CEP15: variants seen among roughly 807,000 people sequenced by gnomAD.
CEP15 encodes centrosomal protein 15 kDa.
the CEP15 span, chr3:62,322,658 C>T: frequency 6.6e-6 from 1 of 152,158 alleles, no homozygotes; most frequent in Non-Finnish European, 1.5e-5. The surrounding 1 kb of genome is among the most constrained non-coding windows in gnomAD (Gnocchi z 5.5). Context: ...ACTTTGCTTC[C>T]AGAATTGTAT....
the CEP15 span, chr3:62,320,502 C>G: frequency 1.2e-6 from 2 of 1,611,900 alleles, no homozygotes; most frequent in Non-Finnish European, 1.7e-6. Context: ...AGAAATTCGC[C>G]TTTCTAAAAG....
chr3:62,323,475 A>G, the CEP15 span, among the ~76,000 whole-genome samples: 1 of 152,230 alleles, frequency 6.6e-6, no homozygotes, highest in African/African-American at 2.4e-5. Context: ...AGAAATTCAC[A>G]GGAAACAAGG....
the CEP15 span, among the ~76,000 whole-genome samples, chr3:62,321,363 A>G: frequency 7.2e-5 from 11 of 152,188 alleles, no homozygotes; most frequent in Admixed American, 7.2e-4. The surrounding 1 kb of genome is among the most constrained non-coding windows in gnomAD (Gnocchi z 4.1). Context: ...GAGTATGCAT[A>G]CATACACACA....
At chr3:62,331,811 A>G in the CEP15 span, among the ~76,000 whole-genome samples, 2 of 152,172 alleles carry the variant, frequency 1.3e-5, no homozygotes, top group South Asian at 4.1e-4. Context: ...AATGCATATT[A>G]TCATACAATA....
the CEP15 span, among the ~76,000 whole-genome samples, chr3:62,328,950 A>G: frequency 1.4e-5 from 2 of 141,052 alleles, no homozygotes; most frequent in East Asian, 2.1e-4. Flanking sequence ...TTCGTCCTCT[A>G]TGTAGTGGGT....
the CEP15 span, chr3:62,331,205 A>T: frequency 4.0e-6 from 3 of 753,504 alleles, no homozygotes; most frequent in Non-Finnish European, 6.7e-6. Flanking sequence ...GCCTCCATCC[A>T]TTCAGATTAT....
the CEP15 span, among the ~76,000 whole-genome samples, chr3:62,327,034 T>C: frequency 2.0e-5 from 3 of 152,206 alleles, no homozygotes; most frequent in Admixed American, 6.5e-5. Flanking sequence ...AAATCTAACA[T>C]TGTACTTGAT....
At chr3:62,332,600 C>T in the CEP15 span, among the ~76,000 whole-genome samples, 3 of 152,098 alleles carry the variant, frequency 2.0e-5, no homozygotes, top group African/African-American at 7.2e-5. Context: ...AGCCTATAGA[C>T]TTCTACAGTC....
At chr3:62,327,482 C>A in the CEP15 span, among the ~76,000 whole-genome samples, 1 of 80,464 alleles carries the variant, frequency 1.2e-5, no homozygotes, top group African/African-American at 6.8e-5. Flanking sequence ...TGCTCAGTAG[C>A]CACATGAGAA....
chr3:62,320,564 G>T, the CEP15 span: 1 of 1,509,900 alleles, frequency 6.6e-7, no homozygotes, highest in Admixed American at 1.7e-5. Context: ...ATAGAAATTG[G>T]ACTGGCTTTG....
At chr3:62,331,422 G>A in the CEP15 span, 2 of 1,596,894 alleles carry the variant, frequency 1.3e-6, no homozygotes, top group Non-Finnish European at 1.7e-6. Context: ...AGGAACAAAT[G>A]TAAAAAGAGA....
the CEP15 span, chr3:62,333,108 A>T: frequency 1.6e-6 from 1 of 644,002 alleles, no homozygotes. This position sits in a 1 kb window ranked among gnomAD's most constrained non-coding sequence, Gnocchi z 4.0. Flanking sequence ...AATATTCTGT[A>T]GAGGAAATGC....
the CEP15 span, chr3:62,321,903 T>C: frequency 6.5e-7 from 1 of 1,527,976 alleles, no homozygotes; most frequent in Non-Finnish European, 8.8e-7. This position sits in a 1 kb window ranked among gnomAD's most constrained non-coding sequence, Gnocchi z 4.1. Flanking sequence ...CTTTTTTAAC[T>C]CTATATAATC....
chr3:62,319,753 A>G, the CEP15 span: 17 of 152,312 alleles, frequency 1.1e-4, no homozygotes, highest in Middle Eastern at 3.4e-3. Context: ...GCCCAACCAG[A>G]TGAGTTGCCT....
chr3:62,330,127 C>T, the CEP15 span, among the ~76,000 whole-genome samples: 2 of 152,236 alleles, frequency 1.3e-5, no homozygotes, highest in Non-Finnish European at 2.9e-5. Context: ...TGGGGAGTCC[C>T]TTTAGGGAAT....
chr3:62,321,861 A>G, the CEP15 span: 706 of 1,226,604 alleles, frequency 5.8e-4, no homozygotes, highest in Non-Finnish European at 7.4e-4. This position sits in a 1 kb window ranked among gnomAD's most constrained non-coding sequence, Gnocchi z 4.1. Context: ...TGAATTTTTT[A>G]TATTGGTCAA....
At chr3:62,333,169 C>A in the CEP15 span, 1 of 1,335,808 alleles carries the variant, frequency 7.5e-7, no homozygotes, top group Non-Finnish European at 1.0e-6. This position sits in a 1 kb window ranked among gnomAD's most constrained non-coding sequence, Gnocchi z 4.0. Flanking sequence ...CATACACACT[C>A]TTAAGTGAAT....
chr3:62,329,946 T>C, the CEP15 span, among the ~76,000 whole-genome samples: 1 of 152,310 alleles, frequency 6.6e-6, no homozygotes, highest in East Asian at 1.9e-4. Flanking sequence ...TTATTAGGCT[T>C]CTGTATCTGT....
chr3:62,328,247 T>C, the CEP15 span, among the ~76,000 whole-genome samples: 380 of 152,376 alleles, frequency 2.5e-3, 2 homozygotes, highest in African/African-American at 8.8e-3. Context: ...GCTGATCTTA[T>C]GCATCTAACC....
Sources: gnomAD v4.1 joint callset for allele counts (sites outside exome capture counted in the v4.1 genomes callset) on GRCh38, gnomAD v4.1.1 for gene constraint, Gnocchi (gnomAD v3.1) non-coding constraint, MANE v1.5 for transcripts, NCBI Gene and HGNC (gene_info 2026-07-23, HGNC 2026-07-21) for gene names.